The following GPHA2 variants were observed in gnomAD, a reference collection of about 807,000 sequenced individuals.
GPHA2 encodes the protein glycoprotein hormone subunit alpha 2.
A neutral mutation model predicts 15.3 loss-of-function variants in GPHA2; 12 were observed. The ratio of observed to expected loss-of-function variants is 0.78; its 90% CI spans 0.50 to 1.27. The LOEUF (loss-of-function observed/expected upper bound fraction) is 1.27, where lower values mean the gene tolerates loss of function less well. GPHA2 is among the 50% of genes most tolerant of loss of function. The pLI, the probability that GPHA2 is intolerant of heterozygous loss-of-function variation, is 0.00. For missense variants in GPHA2, 156 were observed against 169.5 expected (o/e 0.92, Z 0.44); for synonymous variants, 61 against 66.8 (o/e 0.91, Z 0.42).
In GPHA2 at chr11:64,934,802, A is replaced by G; in HGVS notation, c.361T>C (p.Cys121Arg). The change falls in exon 4 of 4, where the codon TGT becomes CGT. Residue 121 changes from cysteine (C) to arginine (R), a missense_variant. Cys to Arg is a radical substitution (Grantham distance 180). Coordinates refer to ENST00000279168, the MANE Select transcript of GPHA2 (RefSeq NM_130769.4). Reference protein sequence around the residue: ...LEIFTARACQCDMCRLSRY With the variant: ...LEIFTARACQRDMCRLSRY ...TAGCGAGAGAGGCGACACATGTCAC[A>G]CTGGCAGGCCCTGGCCGTGAAGATC... is the stretch of plus-strand genomic sequence containing the variant. The G allele has an allele frequency of 6.2e-7, 1 of 1,614,098 alleles. No individual in the cohort carries two copies. Among genetic ancestry groups the G allele is most frequent in the Non-Finnish European group, 8.5e-7 (1 of 1,179,990 alleles).
At chr11:64,936,310 C>T (rs1390539588), upstream of GPHA2, among the ~76,000 whole-genome samples, 1 of 152,094 alleles carries the variant, frequency 6.6e-6, no homozygotes, top group Non-Finnish European at 1.5e-5. Flanking sequence ...GAGGGTCTGG[C>T]TCTGTCACCT....
At chr11:64,934,910 T>C in intron 3 of GPHA2, 36 bp from the exon 4 acceptor site, 1 of 1,612,226 alleles carries the variant, frequency 6.2e-7, no homozygotes, top group Non-Finnish European at 8.5e-7. Flanking sequence ...CAGTCCCCTT[T>C]CTCAGGGCTG....
Position 64,934,593 on chromosome 11 carries a change from C to T in GPHA2, c.*180G>A, listed in dbSNP as rs1487685162. The stretch of plus-strand genomic sequence containing the variant: ...CAGAAACTCCCCTCTTCTCAGGTGA[C>T]AGTCACAAAATCTTACAAAGGATCA... On this transcript the variant is annotated 3_prime_UTR_variant, in exon 4 of 4. Transcript: ENST00000279168. 2.3e-5 allele frequency: 14 copies of T among 614,140 alleles called. 1 individual carries two copies. The highest frequency in any genetic ancestry group is 3.8e-5 in the Non-Finnish European group (13 of 343,494). The allele number at this position is 614,140 out of a possible 1,614,324, so 38.0% of individuals were successfully genotyped here.
rs1424563583 is a variant in GPHA2 at position 64,935,857 on chromosome 11, GC to G, written c.-25del. The G allele has an allele frequency of 6.2e-6, 1 of 160,434 alleles. No individual in the cohort carries two copies. Among genetic ancestry groups the G allele is most frequent in the Non-Finnish European group, 1.4e-5 (1 of 73,862 alleles). 9.9% of individuals were successfully genotyped at this position (160,434 alleles called of 1,614,324 possible). A position where few individuals can be genotyped will look rare whatever the true frequency, so the allele number is the denominator to read the frequency against. Reference sequence around the variant, plus strand: ...ACCACTTCCGAGGCCCAGGAACAGAGCGGCTTGCAGTTTTCCTGTGCCTCCT... The same window carrying G: ...ACCACTTCCGAGGCCCAGGAACAGAGGGCTTGCAGTTTTCCTGTGCCTCCT... On this transcript the variant is annotated 5_prime_UTR_variant, in exon 1 of 4. Transcript: ENST00000279168.
Position 64,934,816 on chromosome 11 carries a change from G to C in GPHA2, c.347C>G (p.Ala116Gly). The C allele has an allele frequency of 6.2e-7, 1 of 1,614,018 alleles. No homozygotes were observed. Among genetic ancestry groups the C allele is most frequent in the South Asian group, 1.1e-5 (1 of 91,072 alleles). Residue 116 changes from alanine (A) to glycine (G), a missense_variant, in exon 4 of 4, where the codon GCC becomes GGC. By Grantham distance (60) the Ala-to-Gly change is moderately conservative. Transcript: ENST00000279168. ...SRREELEIFT[A>G]RACQCDMCRL... ...ACACATGTCACACTGGCAGGCCCTGGCCGTGAAGATCTCGAGCTCCTCCCT... is the reference window on the plus strand; with the variant it reads ...ACACATGTCACACTGGCAGGCCCTGCCCGTGAAGATCTCGAGCTCCTCCCT...
At position 64,935,455 on chromosome 11, in the gene GPHA2, A is replaced by T; in HGVS notation, c.6T>A (p.Pro2=). ...GGACCAGGGTTTGAGGGGACGCCATAGGCATCTGAAACACAGTGGGGAGAT... is the reference window on the plus strand; with the variant it reads ...GGACCAGGGTTTGAGGGGACGCCATTGGCATCTGAAACACAGTGGGGAGAT... M[P]MASPQTLVLY... Residue 2 remains proline (P), a synonymous_variant, in exon 2 of 4, where the codon CCT becomes CCA. Coordinates refer to ENST00000279168, the MANE Select transcript of GPHA2 (RefSeq NM_130769.4). The T allele has an allele frequency of 6.3e-7, 1 of 1,597,558 alleles. No homozygotes were observed. The highest frequency in any genetic ancestry group is 2.2e-5 in the East Asian group (1 of 44,780).
chr11:64,935,998 G>C (rs761666652), upstream of GPHA2: 1 of 152,354 alleles, frequency 6.6e-6, no homozygotes, highest in African/African-American at 2.4e-5. Flanking sequence ...GCCTCAGAGC[G>C]ATCCCACCTG....
At position 64,934,679 on chromosome 11, in the gene GPHA2, G is replaced by T. The variant is rs1270768813; in HGVS notation, c.*94C>A. The T allele has an allele frequency of 2.7e-5, 27 of 985,188 alleles. No homozygotes were observed. Among genetic ancestry groups the T allele is most frequent in the South Asian group, 1.7e-4 (13 of 78,294 alleles). 61.0% of individuals were successfully genotyped at this position (985,188 alleles called of 1,614,324 possible). On this transcript the variant is annotated 3_prime_UTR_variant, in exon 4 of 4. Transcript: ENST00000279168. ...CCATAGCAAGTAACCATCAGGGCTG[G>T]AGCTCCTTCCAGTTTTTGAATCTTG...
chr11:64,937,421 T>C (rs1945303826), upstream of GPHA2: 1 of 152,124 alleles, frequency 6.6e-6, no homozygotes, highest in Non-Finnish European at 1.5e-5. Context: ...GTAAACGCAA[T>C]TTGAGAGGAA....
chr11:64,936,882 A>G (rs989475966), upstream of GPHA2, among the ~76,000 whole-genome samples: 1 of 152,316 alleles, frequency 6.6e-6, no homozygotes, highest in African/African-American at 2.4e-5. Context: ...GAAGTTATCA[A>G]CCCCAGCAAA....
In GPHA2 at chr11:64,934,722, C is replaced by T. The variant is rs1055112; in HGVS notation, c.*51G>A. 3.5e-6 allele frequency: 5 copies of T among 1,442,514 alleles called. No homozygotes were observed. Among genetic ancestry groups the T allele is most frequent in the African/African-American group, 2.8e-5 (2 of 71,592 alleles). The allele number at this position is 1,442,514 out of a possible 1,614,324, so 89.4% of individuals were successfully genotyped here. A position where few individuals can be genotyped will look rare whatever the true frequency, so the allele number is the denominator to read the frequency against. ...GAATCTTGAACACAGGTTTCCCCCA[C>T]CAGAACGTCAAGCCCTGTGACCCAG... On this transcript the variant is annotated 3_prime_UTR_variant, in exon 4 of 4. Transcript: ENST00000279168.
chr11:64,936,217 GCT>G (rs1392061248), upstream of GPHA2, among the ~76,000 whole-genome samples: 4 of 152,280 alleles, frequency 2.6e-5, no homozygotes, highest in South Asian at 8.3e-4. Context: ...GGTTCTCTTT[GCT>G]CTGTGACCTT....
At chr11:64,936,731 G>T (rs1945296812), upstream of GPHA2, among the ~76,000 whole-genome samples, 1 of 152,126 alleles carries the variant, frequency 6.6e-6, no homozygotes, top group Non-Finnish European at 1.5e-5. Flanking sequence ...AGGGCCGGGG[G>T]TTTGGGGGTT....
At position 64,935,053 on chromosome 11, in the gene GPHA2, T is replaced by C. The variant is rs1400485092; in HGVS notation, c.226A>G (p.Ser76Gly). The change falls in exon 3 of 4, where the codon AGT becomes GGT. Residue 76 changes from serine (S) to glycine (G), a missense_variant. Transcript: ENST00000279168. The part of the protein sequence containing the change: ...FPSRYSVLVA[S>G]GYRHNITSVS... ...GAGGTGATGTTGTGTCGGTAACCAC[T>C]GGCCACCAGCACAGAGTACCGAGAA... 3.1e-6 allele frequency: 5 copies of C among 1,614,070 alleles called. No individual in the cohort carries two copies. In the South Asian group the frequency reaches 4.4e-5, roughly 14 times the overall value.
At chr11:64,937,214 A>G (rs1174410819), upstream of GPHA2, among the ~76,000 whole-genome samples, 8 of 152,314 alleles carry the variant, frequency 5.3e-5, no homozygotes, top group East Asian at 1.5e-3. Context: ...CTAGAGCTAG[A>G]AGGCACTTTA....
chr11:64,935,508 G>A, intron 1 of GPHA2, 48 bp from the exon 2 acceptor site: 1 of 1,320,502 alleles, frequency 7.6e-7, no homozygotes. Context: ...CAGGTGGGAT[G>A]GCGAGTTCTT....
rs557925287 is a variant in GPHA2, at chr11:64,934,977, C to T, written c.288+14G>A. 28 of 1,613,974 alleles carry T rather than the reference C, an allele frequency of 1.7e-5. No individual in the cohort carries two copies. Among genetic ancestry groups the T allele is most frequent in the South Asian group, 7.7e-5 (7 of 91,050 alleles). On this transcript the variant is annotated intron_variant, in intron 3 of 3. Transcript: ENST00000279168. The stretch of plus-strand genomic sequence containing the variant: ...GACCCCAGCGTCCATCCACCGGGCC[C>T]GGGCCCTCCTCACCTTCTTCAGGCC...
At chr11:64,935,491 G>T in intron 1 of GPHA2, 31 bp from the exon 2 acceptor site, 1 of 1,462,182 alleles carries the variant, frequency 6.8e-7, no homozygotes, top group Non-Finnish European at 9.3e-7. Context: ...GTCTCTACGT[G>T]GGTGTGCAGG....
chr11:64,937,270 G>A (rs1320540760), upstream of GPHA2, among the ~76,000 whole-genome samples: 1 of 152,172 alleles, frequency 6.6e-6, no homozygotes, highest in Non-Finnish European at 1.5e-5. Flanking sequence ...GAGAAAATAA[G>A]AGCTCAGCGG....
Sources: allele counts gnomAD v4.1 joint callset (sites outside exome capture counted in the v4.1 genomes callset), GRCh38; gene constraint gnomAD v4.1.1; transcripts MANE v1.5; gene names NCBI Gene and HGNC (gene_info 2026-07-23, HGNC 2026-07-21).